The following PP2D1 variants were observed in gnomAD, a reference collection of about 807,000 sequenced individuals.
PP2D1 encodes protein phosphatase 2C-like domain-containing protein 1.
In PP2D1, 25 loss-of-function variants were observed where a neutral mutation model predicts 30.2. The observed-to-expected ratio is 0.83, with a 90% CI of 0.60 to 1.16. PP2D1 has a LOEUF of 1.16. Ranked by LOEUF, PP2D1 falls within the 50% of genes most tolerant of loss-of-function variation. The pLI, the probability that PP2D1 is intolerant of heterozygous loss-of-function variation, is 0.00. For synonymous variants in PP2D1, 260 were observed against 258.9 expected (o/e 1.00, Z -0.04); for missense variants, 760 against 742.4 (o/e 1.02, Z -0.28).
At chr3:19,983,940 C>T (rs1267023607), downstream of PP2D1, 17 of 693,532 alleles carry the variant, frequency 2.5e-5, no homozygotes, top group Non-Finnish European at 3.4e-5. Flanking sequence ...ATGATAGAGT[C>T]AAGTTTCTAA....
At chr3:19,988,061 T>G (rs1296151026) in intron 2 of PP2D1, among the ~76,000 whole-genome samples, 3 of 152,178 alleles carry the variant, frequency 2.0e-5, no homozygotes, top group East Asian at 1.9e-4. Flanking sequence ...CTGTGATGAT[T>G]GCGTTAACTG....
At chr3:19,984,414 GT>G (rs916730670), downstream of PP2D1, 2,917 of 180,270 alleles carry the variant, frequency 0.016, no homozygotes, top group South Asian at 0.045. Context: ...ACCCAGTCTG[GT>G]TTTTTTTTTT....
In PP2D1 at chr3:19,985,773, A is replaced by G. The variant is rs1697022398; in HGVS notation, c.1500T>C (p.Ser500=). ...PSKGPLLFST[S]EPNLTKSQSN... is the part of the protein sequence containing the mutation. Reference sequence around the variant, plus strand: ...TCTGTGATTTAGTAAGGTTTGGTTCACTGGTTGAAAAAAGCAGAGGCCCTT... The same window carrying G: ...TCTGTGATTTAGTAAGGTTTGGTTCGCTGGTTGAAAAAAGCAGAGGCCCTT... Residue 500 remains serine (S), a synonymous_variant, in exon 3 of 3, where the codon AGT becomes AGC. Transcript: ENST00000389050. 11 of 1,535,970 alleles carry G rather than the reference A, an allele frequency of 7.2e-6. No homozygotes were observed. Among genetic ancestry groups the G allele is most frequent in the Non-Finnish European group, 9.6e-6 (11 of 1,146,880 alleles).
At chr3:19,998,815 C>T (rs896763302) in intron 2 of PP2D1, among the ~76,000 whole-genome samples, 6 of 152,190 alleles carry the variant, frequency 3.9e-5, no homozygotes, top group African/African-American at 1.2e-4. Context: ...CTATAAAATA[C>T]AAAATAATTC....
In PP2D1 at chr3:19,997,279, G is replaced by A. The variant is rs187141269; in HGVS notation, c.1090+3751C>T. ...AAATATGACACATTACCAACAGAAT[G>A]AAGGAGAAATACCATATGATTATCT... On this transcript the variant is annotated intron_variant, in intron 2 of 2. Transcript: ENST00000389050. Among the ~76,000 whole-genome samples, 76 of 151,570 alleles carry A rather than the reference G, an allele frequency of 5.0e-4. No homozygotes were observed. In the South Asian group the frequency reaches 6.7e-3, roughly 13 times the overall value.
intron 2 of PP2D1, among the ~76,000 whole-genome samples, chr3:19,988,158 G>A (rs1456950979): frequency 6.6e-6 from 1 of 152,168 alleles, no homozygotes. Context: ...GATGTTCAGG[G>A]AACAAGGGAG....
chr3:19,983,688 A>T (rs763564987), downstream of PP2D1: 3 of 1,472,072 alleles, frequency 2.0e-6, no homozygotes, highest in South Asian at 1.2e-5. Context: ...TATTCTATTT[A>T]TTTGATCATT....
intron 2 of PP2D1, 161 bp downstream of exon 2, chr3:20,000,869 T>C (rs1298961367): frequency 1.5e-5 from 6 of 404,758 alleles, no homozygotes; most frequent in Non-Finnish European, 2.2e-5. Context: ...GCAATCTGCA[T>C]TTAAATTGTG....
chr3:19,980,508 A>G (rs912710591), downstream of PP2D1, among the ~76,000 whole-genome samples: 1 of 151,028 alleles, frequency 6.6e-6, no homozygotes, highest in Non-Finnish European at 1.5e-5. Context: ...CTTAAATCAC[A>G]CAGTGCACTC....
intron 2 of PP2D1, among the ~76,000 whole-genome samples, chr3:19,998,191 G>C (rs753222359): frequency 6.6e-6 from 1 of 152,114 alleles, no homozygotes; most frequent in African/African-American, 2.4e-5. Flanking sequence ...TTGTCCAGCC[G>C]TGGTGGCATG....
At chr3:19,990,638 T>C (rs933781763) in intron 2 of PP2D1, among the ~76,000 whole-genome samples, 1 of 152,076 alleles carries the variant, frequency 6.6e-6, no homozygotes, top group African/African-American at 2.4e-5. Context: ...TAACAATGAG[T>C]GGCATATGCT....
Position 20,012,139 on chromosome 3 carries a change from TTGAGTAG to T in PP2D1, c.-74_-68del. The T allele has an allele frequency of 7.6e-7, 1 of 1,312,844 alleles. No homozygotes were observed. The highest frequency in any genetic ancestry group is 1.3e-5 in the South Asian group (1 of 76,352). The allele number at this position is 1,312,844 out of a possible 1,614,324, so 81.3% of individuals were successfully genotyped here. On this transcript the variant is annotated 5_prime_UTR_variant, in exon 1 of 3. It introduces an in-frame stop codon into an upstream open reading frame of the 5' UTR. Coordinates refer to ENST00000389050, the MANE Select transcript of PP2D1 (RefSeq NM_001252657.2). ...TTCCCCTGGCCTCTATTTCTCCAAC[TTGAGTAG>T]TGATGGTGATGGTGGAGGTAGAGGT...
Position 20,002,031 on chromosome 3 carries a change from A to C in PP2D1, c.89T>G (p.Leu30Arg). Residue 30 changes from leucine to arginine, a missense_variant, in exon 2 of 3, where the codon CTA (leucine) becomes CGA (arginine). Leu to Arg is a moderately radical substitution (Grantham distance 102). Transcript: ENST00000389050. ...AAAACGTTTTCTTTTGGGTAAAAGT[A>C]GAATATCCTCATCTGAATCAAATGT... ...TSTFDSDEDI[L>R]LLPKRKRFRK... The C allele has an allele frequency of 6.5e-7, 1 of 1,535,634 alleles. No individual in the cohort carries two copies. Among genetic ancestry groups the C allele is most frequent in the East Asian group, 2.4e-5 (1 of 40,920 alleles).
intron 2 of PP2D1, among the ~76,000 whole-genome samples, chr3:19,987,606 G>A (rs1697057034): frequency 6.6e-6 from 1 of 152,054 alleles, no homozygotes; most frequent in East Asian, 1.9e-4. Flanking sequence ...TACGTATTTA[G>A]GCTTAGAAGG....
At chr3:20,004,531 G>T (rs1223223509) in intron 1 of PP2D1, among the ~76,000 whole-genome samples, 2 of 152,104 alleles carry the variant, frequency 1.3e-5, no homozygotes, top group African/African-American at 2.4e-5. Flanking sequence ...ATAAGAAAAA[G>T]AATTGATAGT....
intron 2 of PP2D1, among the ~76,000 whole-genome samples, chr3:19,997,419 G>A (rs1165687348): frequency 6.6e-6 from 1 of 150,674 alleles, no homozygotes; most frequent in African/African-American, 2.4e-5. Context: ...CCCTGCTATG[G>A]TATGTATTTT....
At chr3:20,007,008 T>TACACAC (rs71751343) in intron 1 of PP2D1, among the ~76,000 whole-genome samples, 3 of 144,672 alleles carry the variant, frequency 2.1e-5, no homozygotes, top group African/African-American at 7.6e-5. Context: ...CACACACGTA[T>TACACAC]ACACACACAC....
intron 1 of PP2D1, among the ~76,000 whole-genome samples, chr3:20,006,606 C>T (rs1266602196): frequency 6.6e-6 from 1 of 152,062 alleles, no homozygotes; most frequent in Admixed American, 6.6e-5. Flanking sequence ...TAACTACAGG[C>T]GTGCACCACC....
Position 20,001,309 on chromosome 3 carries a change from T to C in PP2D1, c.811A>G (p.Lys271Glu), listed in dbSNP as rs1697248586. 6.5e-7 allele frequency: 1 copy of C among 1,535,634 alleles called. No individual in the cohort carries two copies. Among genetic ancestry groups the C allele is most frequent in the Non-Finnish European group, 8.7e-7 (1 of 1,146,492 alleles). ...AIEDLFSAINKTEAVRCEYED... is the reference protein window; with the variant it reads ...AIEDLFSAINETEAVRCEYED... ...TACTCACACCTCACTGCTTCTGTTT[T>C]GTTTATGGCAGAAAAGAGGTCTTCT... Residue 271 changes from lysine to glutamate, a missense_variant, in exon 2 of 3, where the codon AAA (lysine) becomes GAA (glutamate). Transcript: ENST00000389050.
Sources: gnomAD v4.1 joint callset for allele counts (sites outside exome capture counted in the v4.1 genomes callset) on GRCh38, gnomAD v4.1.1 for gene constraint, MANE v1.5 for transcripts, NCBI Gene and HGNC (gene_info 2026-07-23, HGNC 2026-07-21) for gene names.